ZFP62: variants seen among roughly 807,000 people sequenced by gnomAD.
ZFP62 encodes the protein zinc finger protein 62 homolog.
In ZFP62, 44 loss-of-function variants were observed where a neutral mutation model predicts 56.4. That is an observed-to-expected ratio of 0.78 (90% CI 0.61 to 1.00). The LOEUF is 1.00. Among genes scored for constraint, ZFP62 ranks in the 50% least tolerant of loss-of-function variants. ZFP62 has a pLI of 0.00. For missense variants in ZFP62, 1,030 were observed against 1,085.7 expected (o/e 0.95, Z 0.72); for synonymous variants, 421 against 388.9 (o/e 1.08, Z -0.97).
Position 180,852,220 on chromosome 5 carries a change from G to C in ZFP62, c.2-727C>G, listed in dbSNP as rs148254780. ...ATCTGAAATTACCAGAGAAAAGATG[G>C]TCCTTTTAATAGTGTTGTAACAACT... On this transcript the variant is annotated intron_variant, in intron 1 of 1. Transcript: ENST00000502412. Among the ~76,000 whole-genome samples the C allele has an allele frequency of 6.3e-3, 959 of 152,198 alleles. 2 individuals carry two copies. The highest frequency in any genetic ancestry group is 0.014 in the Middle Eastern group (4 of 294).
At chr5:180,852,497 T>C (rs567885377) in intron 1 of ZFP62, among the ~76,000 whole-genome samples, 1 of 146,806 alleles carries the variant, frequency 6.8e-6, no homozygotes, top group Non-Finnish European at 1.5e-5. Context: ...GAGGTTGCAG[T>C]GAGCCGAGAT....
In ZFP62 at chr5:180,850,568, G is replaced by A. The variant is rs777295111; in HGVS notation, c.927C>T (p.Tyr309=). The part of the protein sequence containing the change: ...HKRIHTGEKP[Y]ECDECGKAFI... ...AGGCCTTCCCACACTCATCACATTC[G>A]TAAGGTTTCTCACCTGTGTGGATCC... Residue 309 remains tyrosine, a synonymous_variant, in exon 2 of 2, where the codon TAC becomes TAT. Transcript: ENST00000502412. The A allele has an allele frequency of 2.2e-5, 35 of 1,558,178 alleles. No homozygotes were observed. Among genetic ancestry groups the A allele is most frequent in the East Asian group, 1.2e-4 (5 of 41,286 alleles).
the ZFP62 span, among the ~76,000 whole-genome samples, chr5:180,827,954 G>A: frequency 3.3e-5 from 5 of 152,182 alleles, no homozygotes; most frequent in South Asian, 4.1e-4. Flanking sequence ...CCTTGTCTAT[G>A]ATGCAAAGAC....
In ZFP62 at chr5:180,849,441, T is replaced by C. The variant is rs539937463; in HGVS notation, c.2054A>G (p.His685Arg). Residue 685 changes from histidine to arginine, a missense_variant, in exon 2 of 2, where the codon CAC (histidine) becomes CGC (arginine). By Grantham distance (29) the His-to-Arg change is conservative. Transcript: ENST00000502412. Reference protein sequence around the residue: ...CDVCGKAYISHSSLINHKSTH... With the variant: ...CDVCGKAYISRSSLINHKSTH... ...ACTCTTATGGTTAATAAGGCTTGAG[T>C]GTGAGATGTAGGCTTTTCCACACAC... 1.4e-5 allele frequency: 21 copies of C among 1,551,886 alleles called. No homozygotes were observed. The South Asian group carries it at 2.0e-4, about 15-fold the overall frequency.
downstream of ZFP62, among the ~76,000 whole-genome samples, chr5:180,843,757 G>A (rs139593579): frequency 0.019 from 2,840 of 152,256 alleles, 42 homozygotes; most frequent in Non-Finnish European, 0.03. Flanking sequence ...TATGAACAAC[G>A]TATTACAATC....
At chr5:180,831,533 C>G in the ZFP62 span, 2 of 152,310 alleles carry the variant, frequency 1.3e-5, no homozygotes, top group African/African-American at 4.8e-5. Context: ...GGCCTCAGGC[C>G]GCGGTGTTCT....
In ZFP62 at chr5:180,849,012, T is replaced by G; in HGVS notation, c.2483A>C (p.Asp828Ala). ...TCCAGTGTGGATCCTTTTGTGCTGG[T>G]CAAGGACTGATCTATAATTGAAGGA... is the stretch of plus-strand genomic sequence containing the variant. ...GKSFNYRSVL[D>A]QHKRIHTGKK... The change falls in exon 2 of 2, where the codon GAC (aspartate) becomes GCC (alanine). Residue 828 changes from aspartate to alanine, a missense_variant. By Grantham distance (126) the Asp-to-Ala change is moderately radical (BLOSUM62 -2). Transcript: ENST00000502412. 6.4e-7 allele frequency: 1 copy of G among 1,551,900 alleles called. No homozygotes were observed. The highest frequency in any genetic ancestry group is 1.2e-5 in the South Asian group (1 of 84,060).
chr5:180,851,477 C>T lies in ZFP62; in HGVS notation c.18G>A (p.Thr6=), dbSNP rs1245633822. The change falls in exon 2 of 2, where the codon ACG becomes ACA. Residue 6 remains threonine (T), a synonymous_variant. Transcript: ENST00000502412. MSHLK[T]STEDEEPTEE... is the part of the protein sequence containing the mutation. The stretch of plus-strand genomic sequence containing the variant: ...CAGTTGGTTCCTCATCCTCAGTGCT[C>T]GTCTTCAAATGTGACACTAAACCAA... 1.7e-5 allele frequency: 26 copies of T among 1,544,232 alleles called. No individual in the cohort carries two copies. Among genetic ancestry groups the T allele is most frequent in the East Asian group, 4.9e-5 (2 of 40,820 alleles).
chr5:180,859,175 C>T lies in ZFP62; in HGVS notation c.1+2044G>A, dbSNP rs559819148. ...TTAACAGACTGCAACTAGCCCGGAACGACTTTCAATTTGCAGAGTCCAACC... is the reference window on the plus strand; with the variant it reads ...TTAACAGACTGCAACTAGCCCGGAATGACTTTCAATTTGCAGAGTCCAACC... On this transcript the variant is annotated intron_variant, in intron 1 of 1. Transcript: ENST00000502412. Among the ~76,000 whole-genome samples the T allele has an allele frequency of 2.1e-3, 325 of 152,310 alleles. 1 individual carries two copies. Among genetic ancestry groups the T allele is most frequent in the Non-Finnish European group, 2.8e-3 (192 of 68,016 alleles).
At chr5:180,853,765 T>C (rs1362805418) in intron 1 of ZFP62, among the ~76,000 whole-genome samples, 1 of 152,244 alleles carries the variant, frequency 6.6e-6, no homozygotes, top group East Asian at 1.9e-4. Context: ...AATTCAACTG[T>C]TAGCAGGTTT....
Position 180,850,571 on chromosome 5 carries a change from A to C in ZFP62, c.924T>G (p.Pro308=). ...VHKRIHTGEK[P]YECDECGKAF... is the part of the protein sequence containing the mutation. ...CCTTCCCACACTCATCACATTCGTA[A>C]GGTTTCTCACCTGTGTGGATCCTTT... The change falls in exon 2 of 2, where the codon CCT becomes CCG. Residue 308 remains proline, a synonymous_variant. Transcript: ENST00000502412. 1 of 1,558,988 alleles carries C rather than the reference A, an allele frequency of 6.4e-7. No individual in the cohort carries two copies. The highest frequency in any genetic ancestry group is 1.2e-5 in the South Asian group (1 of 84,726).
intron 1 of ZFP62, among the ~76,000 whole-genome samples, chr5:180,854,120 T>C (rs1350999029): frequency 6.6e-6 from 1 of 152,156 alleles, no homozygotes; most frequent in Non-Finnish European, 1.5e-5. Flanking sequence ...GGGTCTACTA[T>C]TACCATTATT....
the ZFP62 span, among the ~76,000 whole-genome samples, chr5:180,827,326 C>T: frequency 1.4e-4 from 22 of 152,288 alleles, no homozygotes; most frequent in East Asian, 5.8e-4. Flanking sequence ...AAGAAGTAGA[C>T]GTAGGAGACT....
At chr5:180,827,153 G>A in the ZFP62 span, among the ~76,000 whole-genome samples, 1 of 152,206 alleles carries the variant, frequency 6.6e-6, no homozygotes, top group Non-Finnish European at 1.5e-5. Context: ...TCTCTTTCGG[G>A]TGACAGGAGA....
chr5:180,843,506 A>C (rs962257357), downstream of ZFP62, among the ~76,000 whole-genome samples: 44 of 152,244 alleles, frequency 2.9e-4, no homozygotes, highest in African/African-American at 9.6e-4. Context: ...GAGAAATGCC[A>C]TATAACGGTA....
rs1422083327 is a variant in ZFP62 at position 180,849,401 on chromosome 5, C to T, written c.2094G>A (p.Arg698=). The change falls in exon 2 of 2, where the codon AGG becomes AGA. Residue 698 remains arginine, a synonymous_variant. Transcript: ENST00000502412. ...LINHKSTHPG[R]TPHTCDECGK... is the part of the protein sequence containing the mutation. Reference sequence around the variant, plus strand: ...CACATTCATCACATGTATGGGGTGTCCTGCCAGGGTGGGTACTCTTATGGT... The same window carrying T: ...CACATTCATCACATGTATGGGGTGTTCTGCCAGGGTGGGTACTCTTATGGT... The T allele has an allele frequency of 6.4e-6, 10 of 1,551,132 alleles. No individual in the cohort carries two copies. The South Asian group carries it at 1.2e-4, about 18-fold the overall frequency.
At chr5:180,852,043 G>A (rs1022723406) in intron 1 of ZFP62, 11 of 985,244 alleles carry the variant, frequency 1.1e-5, no homozygotes, top group East Asian at 2.3e-4. Context: ...TTACTGCAGA[G>A]ATGAGGAAGA....
the ZFP62 span, among the ~76,000 whole-genome samples, chr5:180,840,447 C>G: frequency 6.6e-6 from 1 of 152,066 alleles, no homozygotes; most frequent in Non-Finnish European, 1.5e-5. Context: ...AACTGGGAAA[C>G]GTAACTCTTC....
the ZFP62 span, among the ~76,000 whole-genome samples, chr5:180,827,760 G>A: frequency 6.6e-6 from 1 of 152,192 alleles, no homozygotes; most frequent in East Asian, 1.9e-4. Flanking sequence ...GAAGGCATCT[G>A]TCTCCTGCCC....
Sources: allele counts gnomAD v4.1 joint callset (sites outside exome capture counted in the v4.1 genomes callset), GRCh38; gene constraint gnomAD v4.1.1; transcripts MANE v1.5; gene names NCBI Gene and HGNC (gene_info 2026-07-23, HGNC 2026-07-21).